The following NLRC5 variants were observed in gnomAD, a reference collection of about 807,000 sequenced individuals.
NLRC5 encodes the protein NLR family CARD domain containing 5.
Under a neutral mutation model 206.9 loss-of-function variants are expected in NLRC5, and 114 were observed. The observed-to-expected ratio is 0.55, with a 90% CI of 0.47 to 0.64. NLRC5 has a LOEUF of 0.64. Among genes scored for constraint, NLRC5 ranks in the 30% least tolerant of loss-of-function variants. The pLI, the probability that NLRC5 is intolerant of heterozygous loss-of-function variation, is 0.00. For synonymous variants in NLRC5, 952 were observed against 962.8 expected, an observed-to-expected ratio of 0.99 and a Z score of 0.21; for missense variants, 2,008 against 2,305.5, an observed-to-expected ratio of 0.87 and a Z score of 2.64.
intron 34 of NLRC5, among the ~76,000 whole-genome samples, chr16:57,067,108 G>T (rs2144808046): frequency 6.6e-6 from 1 of 152,282 alleles, no homozygotes; most frequent in Admixed American, 6.5e-5. Context: ...ATGCAGCCCT[G>T]CATGTGTACA....
At chr16:57,069,197 A>G (rs1202237919) in intron 36 of NLRC5, among the ~76,000 whole-genome samples, 1 of 152,252 alleles carries the variant, frequency 6.6e-6, no homozygotes, top group Non-Finnish European at 1.5e-5. Context: ...GGCAAATTTT[A>G]GCAGCCGTTA....
intron 36 of NLRC5, among the ~76,000 whole-genome samples, chr16:57,069,291 G>A (rs2067381698): frequency 6.6e-6 from 1 of 152,076 alleles, no homozygotes. Context: ...CCATCTAACT[G>A]ATTACACCAA....
chr16:57,081,757 A>G, intron 48 of NLRC5, 147 bp downstream of exon 48: 4 of 668,840 alleles, frequency 6.0e-6, no homozygotes, highest in Middle Eastern at 4.2e-4. Flanking sequence ...TTTGGCAGCA[A>G]GCAGACTTGG....
chr16:57,007,240 C>A (rs2059015737), intron 1 of NLRC5, among the ~76,000 whole-genome samples: 2 of 152,184 alleles, frequency 1.3e-5, no homozygotes, highest in African/African-American at 2.4e-5. Flanking sequence ...AATACACACA[C>A]ATTTAAAATA....
intron 1 of NLRC5, among the ~76,000 whole-genome samples, chr16:56,999,172 T>TCCTGACCTAATTACCTCCCC (rs1199330525): frequency 6.6e-6 from 1 of 152,222 alleles, no homozygotes; most frequent in Admixed American, 6.5e-5. Context: ...GGCTCCTCCC[T>TCCTGACCTAATTACCTCCCC]CCTGACCTAA....
Position 57,061,721 on chromosome 16 carries a change from C to T in NLRC5, c.4154+20C>T. ...CCTCAGGTACCTCCTCCCCCGCTGC[C>T]TCCGGGAGGGGCCATGGCATGAATG... On this transcript the variant is annotated intron_variant, in intron 32 of 48. Transcript: ENST00000688547. 1 of 1,592,164 alleles carries T rather than the reference C, an allele frequency of 6.3e-7. No individual in the cohort carries two copies. The highest frequency in any genetic ancestry group is 1.1e-5 in the South Asian group (1 of 89,364).
At chr16:57,060,973 G>A (rs1478628688) in intron 30 of NLRC5, among the ~76,000 whole-genome samples, 1 of 152,228 alleles carries the variant, frequency 6.6e-6, no homozygotes, top group Non-Finnish European at 1.5e-5. Flanking sequence ...TCCCTCCCCA[G>A]GGAGCTCAGC....
intron 14 of NLRC5, 68 bp downstream of exon 14, chr16:57,036,251 C>T (rs1448559990): frequency 1.9e-5 from 27 of 1,438,622 alleles, no homozygotes; most frequent in Admixed American, 9.2e-5. Flanking sequence ...TCCCCGTGTT[C>T]GTAATCAGCA....
intron 1 of NLRC5, among the ~76,000 whole-genome samples, chr16:57,011,641 G>T (rs1207069593): frequency 1.3e-5 from 2 of 151,304 alleles, no homozygotes; most frequent in Non-Finnish European, 2.9e-5. Flanking sequence ...GGAATCACTT[G>T]AACTCAGGAG....
In NLRC5 at chr16:57,082,765, G is replaced by A. The variant is rs1224613729; in HGVS notation, c.*237G>A. On this transcript the variant is annotated 3_prime_UTR_variant, in exon 49 of 49. Coordinates refer to ENST00000688547, the MANE Select transcript of NLRC5 (RefSeq NM_001384950.1). ...TACGTGGGATATGTGTGATCAATTGGGGACATGCGACACACAATGAGGGTG... is the reference window on the plus strand; with the variant it reads ...TACGTGGGATATGTGTGATCAATTGAGGACATGCGACACACAATGAGGGTG... 2.6e-5 allele frequency: 11 copies of A among 424,716 alleles called. No individual in the cohort carries two copies. Among genetic ancestry groups the A allele is most frequent in the Non-Finnish European group, 4.6e-5 (11 of 237,840 alleles). 26.3% of individuals were successfully genotyped at this position (424,716 alleles called of 1,614,324 possible).
chr16:57,078,352 C>T (rs916151473), intron 43 of NLRC5, among the ~76,000 whole-genome samples: 1 of 152,142 alleles, frequency 6.6e-6, no homozygotes, highest in African/African-American at 2.4e-5. Context: ...AATGAGAAAT[C>T]CTGGCAGAGG....
chr16:57,056,667 T>TC (rs2065707793), intron 27 of NLRC5, among the ~76,000 whole-genome samples: 1 of 152,006 alleles, frequency 6.6e-6, no homozygotes. Flanking sequence ...TTTCTTTCTT[T>TC]CTTTTTTTTT....
intron 1 of NLRC5, among the ~76,000 whole-genome samples, chr16:56,996,801 C>T (rs2057670292): frequency 6.6e-6 from 1 of 152,272 alleles, no homozygotes; most frequent in East Asian, 1.9e-4. Context: ...TAAAAGACGA[C>T]CATTTGTTGA....
At chr16:57,028,553 C>T (rs376889948) in intron 8 of NLRC5, among the ~76,000 whole-genome samples, 168 bp downstream of exon 8, 19 of 152,134 alleles carry the variant, frequency 1.2e-4, no homozygotes, top group African/African-American at 4.6e-4. Flanking sequence ...AGTCCAAACC[C>T]AAGGCTCCCA....
intron 16 of NLRC5, among the ~76,000 whole-genome samples, chr16:57,040,068 G>T (rs932028940): frequency 6.6e-6 from 1 of 152,244 alleles, no homozygotes; most frequent in South Asian, 2.1e-4. Flanking sequence ...AGGAGCCCCA[G>T]TGTGTAGGAT....
intron 1 of NLRC5, among the ~76,000 whole-genome samples, chr16:57,003,079 A>T (rs1159294581): frequency 7.8e-6 from 1 of 128,568 alleles, no homozygotes; most frequent in African/African-American, 2.8e-5. Context: ...GTTTGTTTGG[A>T]GATGAAGTCT....
chr16:56,991,728 G>A (rs2056899943), intron 1 of NLRC5, among the ~76,000 whole-genome samples: 1 of 141,160 alleles, frequency 7.1e-6, no homozygotes, highest in Non-Finnish European at 1.5e-5. Flanking sequence ...CAAACTCCTG[G>A]CCTCAAGTGA....
At chr16:57,069,431 T>C (rs1225354153) in intron 36 of NLRC5, among the ~76,000 whole-genome samples, 1 of 151,814 alleles carries the variant, frequency 6.6e-6, no homozygotes, top group African/African-American at 2.4e-5. Flanking sequence ...ACCACCCCCA[T>C]CTCTACAAAA....
intron 1 of NLRC5, among the ~76,000 whole-genome samples, chr16:57,006,470 G>T (rs2058930611): frequency 7.4e-6 from 1 of 135,666 alleles, no homozygotes; most frequent in African/African-American, 2.7e-5. Context: ...CCAGGCTGGG[G>T]TGCAGTGGCA....
Sources: allele counts gnomAD v4.1 joint callset (sites outside exome capture counted in the v4.1 genomes callset), GRCh38; gene constraint gnomAD v4.1.1; transcripts MANE v1.5; gene names NCBI Gene and HGNC (gene_info 2026-07-23, HGNC 2026-07-21).